The following ESR1 variants were observed in gnomAD, a reference collection of about 807,000 sequenced individuals.
ESR1 encodes the protein estrogen receptor 1.
ESR1 carries 12 observed loss-of-function variants against 52.7 expected under a neutral mutation model. The ratio of observed to expected loss-of-function variants is 0.23; its 90% CI spans 0.15 to 0.37. The LOEUF (loss-of-function observed/expected upper bound fraction) is 0.37. Ranked by LOEUF, ESR1 falls within the 10% of genes least tolerant of loss-of-function variation. ESR1 has a pLI of 1.00. For missense variants in ESR1, 584 were observed against 779.7 expected, an observed-to-expected ratio of 0.75 and a Z score of 2.99; for synonymous variants, 305 against 316.8, an observed-to-expected ratio of 0.96 and a Z score of 0.39.
chr6:152,021,458 C>T (rs2043643427), intron 5 of ESR1, among the ~76,000 whole-genome samples: 1 of 152,046 alleles, frequency 6.6e-6, no homozygotes, highest in Non-Finnish European at 1.5e-5. Flanking sequence ...ACTAATACAC[C>T]CAGTGTGTTC....
chr6:151,707,949 G>A (rs1409630550), intron 2 of ESR1, among the ~76,000 whole-genome samples: 5 of 151,824 alleles, frequency 3.3e-5, no homozygotes, highest in East Asian at 1.9e-4. Flanking sequence ...ACAGTGCCAT[G>A]CATATTTCTA....
chr6:151,874,675 G>A (rs999847407), intron 2 of ESR1, among the ~76,000 whole-genome samples: 30 of 152,206 alleles, frequency 2.0e-4, no homozygotes, highest in African/African-American at 6.3e-4. Flanking sequence ...TTACATGACA[G>A]TTTATGTAGT....
intron 4 of ESR1, among the ~76,000 whole-genome samples, chr6:152,007,817 T>C (rs2042448305): frequency 2.0e-5 from 3 of 152,222 alleles, no homozygotes; most frequent in Admixed American, 2.0e-4. Flanking sequence ...CTGATACCTC[T>C]CCTTATGTCC....
intron 1 of ESR1, among the ~76,000 whole-genome samples, chr6:151,670,593 AAT>A (rs1010977117): frequency 2.0e-5 from 3 of 151,916 alleles, no homozygotes; most frequent in Non-Finnish European, 4.4e-5. Context: ...CTTAAAAAAA[AAT>A]TTTTTTTTGA....
At chr6:152,018,578 G>C (rs1481727998) in intron 5 of ESR1, among the ~76,000 whole-genome samples, 4 of 152,052 alleles carry the variant, frequency 2.6e-5, no homozygotes, top group South Asian at 2.1e-4. Flanking sequence ...ACACATTGTA[G>C]TAGCTGGGGT....
chr6:151,890,209 C>T (rs967232531), intron 3 of ESR1, among the ~76,000 whole-genome samples: 4 of 151,848 alleles, frequency 2.6e-5, no homozygotes, highest in South Asian at 4.1e-4. Context: ...CTCAGCCTCC[C>T]GAGCAGCTGG....
intron 1 of ESR1, among the ~76,000 whole-genome samples, chr6:151,842,130 T>C (rs924312345): frequency 6.6e-6 from 1 of 152,200 alleles, no homozygotes; most frequent in Admixed American, 6.5e-5. Flanking sequence ...ACGTAAAAAT[T>C]TGAATTGTTA....
chr6:151,670,045 C>T (rs1001869505), intron 1 of ESR1, among the ~76,000 whole-genome samples: 3 of 152,172 alleles, frequency 2.0e-5, no homozygotes, highest in Admixed American at 6.5e-5. Context: ...CATCTACTTT[C>T]TTTACCTGGT....
chr6:151,859,689 A>AG (rs967633422), intron 2 of ESR1, among the ~76,000 whole-genome samples: 1 of 152,216 alleles, frequency 6.6e-6, no homozygotes, highest in Non-Finnish European at 1.5e-5. Context: ...GCATTCTTGC[A>AG]GTTAGCAAAT....
intron 4 of ESR1, among the ~76,000 whole-genome samples, chr6:152,006,283 A>T (rs2042324819): frequency 6.6e-6 from 1 of 151,808 alleles, no homozygotes; most frequent in Admixed American, 6.6e-5. Context: ...CATTTTCTTA[A>T]TTTTTTTAAG....
chr6:151,995,040 G>A (rs987539169), intron 4 of ESR1, among the ~76,000 whole-genome samples: 1 of 152,026 alleles, frequency 6.6e-6, no homozygotes, highest in African/African-American at 2.4e-5. Context: ...CCAGCTGTGG[G>A]GTCTTTTTAG....
At chr6:152,050,143 G>A (rs180924623) in intron 5 of ESR1, among the ~76,000 whole-genome samples, 10 of 152,336 alleles carry the variant, frequency 6.6e-5, no homozygotes, top group African/African-American at 2.4e-4. Flanking sequence ...GCTAGGAAAA[G>A]CAGAGAACTG....
At chr6:151,657,075 T>C (rs985667199) in intron 1 of ESR1, among the ~76,000 whole-genome samples, 24 of 152,212 alleles carry the variant, frequency 1.6e-4, no homozygotes, top group African/African-American at 5.8e-4. Flanking sequence ...TCAATGATAA[T>C]AAATGTCTAT....
chr6:151,886,852 C>A (rs1452878635), intron 3 of ESR1, among the ~76,000 whole-genome samples: 6 of 151,940 alleles, frequency 3.9e-5, no homozygotes. Flanking sequence ...ACCAGCCTGA[C>A]CAACATGGTA....
intron 1 of ESR1, among the ~76,000 whole-genome samples, chr6:151,670,633 G>C (rs955062335): frequency 6.6e-5 from 10 of 152,190 alleles, no homozygotes; most frequent in African/African-American, 2.4e-4. Flanking sequence ...ACCCAGACTG[G>C]AGTGCAGTGG....
At chr6:152,118,050 C>T (rs1489245902) in intron 6 of ESR1, among the ~76,000 whole-genome samples, 3 of 152,152 alleles carry the variant, frequency 2.0e-5, no homozygotes, top group Admixed American at 2.0e-4. Flanking sequence ...TAAACCACTC[C>T]ACCTGCCTCC....
rs2128156936 is a variant in ESR1, at chr6:151,808,254, G to A, written c.342G>A (p.Pro114=). The A allele has an allele frequency of 6.3e-7, 1 of 1,580,442 alleles. No individual in the cohort carries two copies. Among genetic ancestry groups the A allele is most frequent in the Non-Finnish European group, 8.6e-7 (1 of 1,163,824 alleles). The change falls in exon 1 of 8, where the codon CCG becomes CCA. Residue 114 remains proline, a synonymous_variant. Coordinates refer to ENST00000206249, the MANE Select transcript of ESR1 (RefSeq NM_000125.4). ...GCCCGCTGATGCTACTGCACCCGCC[G>A]CCGCAGCTGTCGCCTTTCCTGCAGC... The part of the protein sequence containing the change: ...SPSPLMLLHP[P]PQLSPFLQPH...
At chr6:151,754,362 G>A (rs368435583) in intron 2 of ESR1, among the ~76,000 whole-genome samples, 3 of 149,918 alleles carry the variant, frequency 2.0e-5, no homozygotes, top group Admixed American at 6.6e-5. Flanking sequence ...GGATAAAAGA[G>A]TGTTTATTTT....
At chr6:152,034,667 C>T (rs1487284893) in intron 5 of ESR1, among the ~76,000 whole-genome samples, 1 of 152,116 alleles carries the variant, frequency 6.6e-6, no homozygotes, top group African/African-American at 2.4e-5. Context: ...CCAGATTCTT[C>T]AGTCTTTTTA....
Sources: gnomAD v4.1 joint callset for allele counts (sites outside exome capture counted in the v4.1 genomes callset) on GRCh38, gnomAD v4.1.1 for gene constraint, MANE v1.5 for transcripts, NCBI Gene and HGNC (gene_info 2026-07-23, HGNC 2026-07-21) for gene names.